The following ZNF385D variants were observed in gnomAD, a reference collection of about 807,000 sequenced individuals.
ZNF385D encodes the protein zinc finger protein 385D.
ZNF385D carries 15 observed loss-of-function variants against 35.8 expected under a neutral mutation model. That is an observed-to-expected ratio of 0.42 (90% CI 0.28 to 0.64). The LOEUF (loss-of-function observed/expected upper bound fraction) is 0.64, where lower values mean the gene tolerates loss of function less well. ZNF385D is among the 30% of genes least tolerant of loss of function. ZNF385D has a pLI of 0.23. For missense variants in ZNF385D, 474 were observed against 494.6 expected, an observed-to-expected ratio of 0.96 and a Z score of 0.39; for synonymous variants, 212 against 186.8, an observed-to-expected ratio of 1.13 and a Z score of -1.10.
At chr3:21,779,640 T>A (rs539519619) in intron 3 of ZNF385D, among the ~76,000 whole-genome samples, 1 of 151,952 alleles carries the variant, frequency 6.6e-6, no homozygotes, top group East Asian at 1.9e-4. Context: ...GGTAAGAAAT[T>A]AACATTTACT....
chr3:21,477,587 T>G (rs577477220), intron 4 of ZNF385D, among the ~76,000 whole-genome samples: 1 of 152,172 alleles, frequency 6.6e-6, no homozygotes, highest in African/African-American at 2.4e-5. Flanking sequence ...GTCTCCCTGA[T>G]GTCAAGCTCT....
At chr3:21,615,830 A>G (rs894092240) in intron 2 of ZNF385D, among the ~76,000 whole-genome samples, 3 of 66,188 alleles carry the variant, frequency 4.5e-5, no homozygotes, top group African/African-American at 1.9e-4. Context: ...ACTGGTTAAA[A>G]AAATCAATTT....
At chr3:21,684,384 CT>C (rs367655767) in intron 1 of ZNF385D, among the ~76,000 whole-genome samples, 3 of 89,316 alleles carry the variant, frequency 3.4e-5, no homozygotes, top group African/African-American at 5.8e-5. Flanking sequence ...CTCTCTCTCT[CT>C]CTCTCTCTCT....
intron 3 of ZNF385D, among the ~76,000 whole-genome samples, chr3:22,146,078 G>A (rs1249587561): frequency 6.6e-6 from 1 of 152,096 alleles, no homozygotes; most frequent in Non-Finnish European, 1.5e-5. Flanking sequence ...GAAGCAAGCT[G>A]TGAACTGCAT....
intron 3 of ZNF385D, among the ~76,000 whole-genome samples, chr3:21,864,397 G>A (rs1268426192): frequency 1.3e-5 from 2 of 152,080 alleles, no homozygotes; most frequent in African/African-American, 2.4e-5. Flanking sequence ...TATGAATTGT[G>A]ACTATTTGCC....
intron 2 of ZNF385D, among the ~76,000 whole-genome samples, chr3:21,585,027 C>G (rs2063770886): frequency 6.7e-6 from 1 of 150,132 alleles, no homozygotes; most frequent in South Asian, 2.1e-4. Flanking sequence ...AATCTTTGTG[C>G]CAGTTTGAAA....
intron 1 of ZNF385D, among the ~76,000 whole-genome samples, chr3:21,694,462 T>G (rs1164609785): frequency 6.6e-6 from 1 of 152,126 alleles, no homozygotes; most frequent in African/African-American, 2.4e-5. Context: ...ATTCTCCTGC[T>G]CAATATGGCC....
At chr3:21,768,549 G>A (rs1252077110) in intron 3 of ZNF385D, among the ~76,000 whole-genome samples, 1 of 151,942 alleles carries the variant, frequency 6.6e-6, no homozygotes, top group Admixed American at 6.6e-5. Context: ...TCTTAGAGTA[G>A]CAGCAACCCC....
At chr3:21,791,744 GGTT>G (rs1363895724) in intron 3 of ZNF385D, among the ~76,000 whole-genome samples, 1 of 151,850 alleles carries the variant, frequency 6.6e-6, no homozygotes, top group Non-Finnish European at 1.5e-5. Context: ...CGTTTTTTTT[GGTT>G]GTTGTTGAGA....
chr3:22,114,309 A>T (rs1055535100), intron 3 of ZNF385D, among the ~76,000 whole-genome samples: 1 of 152,130 alleles, frequency 6.6e-6, no homozygotes, highest in African/African-American at 2.4e-5. Flanking sequence ...GCATATATAA[A>T]ATGTGATACG....
chr3:21,571,792 TA>T (rs2063342351), intron 2 of ZNF385D, among the ~76,000 whole-genome samples: 1 of 152,152 alleles, frequency 6.6e-6, no homozygotes, highest in Non-Finnish European at 1.5e-5. Context: ...ATTATAATTT[TA>T]TTGTAAAGGA....
At chr3:21,625,853 C>A (rs1338057261) in intron 2 of ZNF385D, among the ~76,000 whole-genome samples, 3 of 152,120 alleles carry the variant, frequency 2.0e-5, no homozygotes, top group Non-Finnish European at 4.4e-5. Flanking sequence ...ACAGAAAGTT[C>A]TATTAGTCAG....
At chr3:22,140,843 C>G (rs913830469) in intron 3 of ZNF385D, among the ~76,000 whole-genome samples, 1 of 152,118 alleles carries the variant, frequency 6.6e-6, no homozygotes, top group Non-Finnish European at 1.5e-5. Flanking sequence ...CAAGGTTGTC[C>G]TAGAGTTAAT....
At chr3:22,075,330 T>A (rs968203788) in intron 3 of ZNF385D, among the ~76,000 whole-genome samples, 1 of 151,924 alleles carries the variant, frequency 6.6e-6, no homozygotes, top group African/African-American at 2.4e-5. Context: ...AGGCCTAATG[T>A]GCAATCACCT....
intron 3 of ZNF385D, among the ~76,000 whole-genome samples, chr3:22,131,625 G>A (rs1217242388): frequency 6.6e-6 from 1 of 152,120 alleles, no homozygotes; most frequent in Non-Finnish European, 1.5e-5. Flanking sequence ...TAAGTGGAAG[G>A]GAAGGCCACT....
At chr3:22,002,256 A>G (rs1695889357) in intron 3 of ZNF385D, among the ~76,000 whole-genome samples, 1 of 152,058 alleles carries the variant, frequency 6.6e-6, no homozygotes, top group South Asian at 2.1e-4. Context: ...TAAAAAAAAG[A>G]GTCATTACAA....
intron 2 of ZNF385D, among the ~76,000 whole-genome samples, chr3:22,358,435 TC>T (rs1696255120): frequency 6.6e-6 from 1 of 151,816 alleles, no homozygotes. Flanking sequence ...CATTCTGCAT[TC>T]AAGTAGCAGC....
At chr3:21,613,207 A>T (rs2064740075) in intron 2 of ZNF385D, among the ~76,000 whole-genome samples, 1 of 152,106 alleles carries the variant, frequency 6.6e-6, no homozygotes, top group Non-Finnish European at 1.5e-5. Context: ...GTAAACCACA[A>T]CAAATATATT....
rs556694056 is a variant in ZNF385D at position 22,023,374 on chromosome 3, T to A, written c.325+145443A>T. ...GGACTGAGTAAACATGCTCATAATA[T>A]TATTATCATGCACATATCATGTTTA... On this transcript the variant is annotated intron_variant, in intron 3 of 5. Coordinates refer to the ZNF385D transcript ENST00000494108. Among the ~76,000 whole-genome samples the A allele has an allele frequency of 5.3e-5, 8 of 152,270 alleles. No individual in the cohort carries two copies. In the South Asian group the frequency reaches 1.4e-3, roughly 28 times the overall value.
Sources: gnomAD v4.1 joint callset for allele counts (sites outside exome capture counted in the v4.1 genomes callset) on GRCh38, gnomAD v4.1.1 for gene constraint, MANE v1.5 for transcripts, NCBI Gene and HGNC (gene_info 2026-07-23, HGNC 2026-07-21) for gene names.